PTPRF: variants seen among roughly 807,000 people sequenced by gnomAD.
The protein encoded by PTPRF is protein tyrosine phosphatase receptor type F, also known as receptor-type tyrosine-protein phosphatase F.
Under a neutral mutation model 201.8 loss-of-function variants are expected in PTPRF, and 59 were observed. The ratio of observed to expected loss-of-function variants is 0.29; its 90% confidence interval spans 0.24 to 0.36. PTPRF has a LOEUF of 0.36. Among genes scored for constraint, PTPRF ranks in the 10% least tolerant of loss-of-function variants. PTPRF has a pLI of 1.00. For synonymous variants in PTPRF, 1,088 were observed against 1,089.7 expected (o/e 1.00, Z 0.03); for missense variants, 2,132 against 2,690.5 (o/e 0.79, Z 4.59).
rs1435718099 is a variant in PTPRF at position 43,591,928 on chromosome 1, G to A, written c.1648G>A (p.Ala550Thr). The A allele has an allele frequency of 1.1e-5, 17 of 1,613,714 alleles. No homozygotes were observed. Among genetic ancestry groups the A allele is most frequent in the Non-Finnish European group, 1.4e-5 (17 of 1,179,984 alleles). ...IIMYELVYWA[A>T]EDEDQQHKVT... is the part of the protein sequence containing the mutation. ...CATGTATGAACTGGTGTACTGGGCG[G>A]CAGAGGACGAAGACCAACAGGTGTG... Residue 550 changes from alanine to threonine, a missense_variant, in exon 10 of 34, where the codon GCA becomes ACA. Ala to Thr is a moderately conservative substitution (Grantham distance 58). Transcript: ENST00000359947.
intron 6 of PTPRF, among the ~76,000 whole-genome samples, chr1:43,573,977 CTTTTTTTTTTTTTTTTT>C (rs77543816): frequency 6.1e-3 from 393 of 63,928 alleles, no homozygotes; most frequent in Non-Finnish European, 7.9e-3. Flanking sequence ...TGTGTGGGTT[CTTTTTTTTTTTTTTTTT>C]TTTTTTTTTT....
chr1:43,584,121 C>A (rs1401696095), intron 7 of PTPRF, among the ~76,000 whole-genome samples: 1 of 152,178 alleles, frequency 6.6e-6, no homozygotes, highest in African/African-American at 2.4e-5. Flanking sequence ...CAGACCCCCA[C>A]CACTGATGCT....
In PTPRF at chr1:43,597,887, C is replaced by A; in HGVS notation, c.1953C>A (p.Gly651=). 5 of 1,607,374 alleles carry A rather than the reference C, an allele frequency of 3.1e-6. No homozygotes were observed. Among genetic ancestry groups the A allele is most frequent in the African/African-American group, 1.3e-5 (1 of 75,010 alleles). ...CCGTGGCCTACGAGGCGGTGGACGG[C>A]GAGGACCGCGGGCGGCATGTGGTGG... ...QYSVAYEAVD[G]EDRGRHVVDG... Residue 651 remains glycine (G), a synonymous_variant, in exon 12 of 34, where the codon GGC becomes GGA. Coordinates refer to ENST00000359947, the MANE Select transcript of PTPRF (RefSeq NM_002840.5).
chr1:43,574,993 T>C (rs1413686256), intron 6 of PTPRF, among the ~76,000 whole-genome samples: 1 of 152,178 alleles, frequency 6.6e-6, no homozygotes, highest in African/African-American at 2.4e-5. Context: ...TGGTGTTGAT[T>C]TTTCTGCACA....
upstream of PTPRF, among the ~76,000 whole-genome samples, chr1:43,529,312 C>A (rs192042632): frequency 6.6e-6 from 1 of 152,182 alleles, no homozygotes; most frequent in Non-Finnish European, 1.5e-5. Context: ...GGGGCGCACA[C>A]GCACTGTTTG....
intron 1 of PTPRF, among the ~76,000 whole-genome samples, chr1:43,535,751 G>C (rs1450491818): frequency 6.6e-6 from 1 of 152,148 alleles, no homozygotes; most frequent in Non-Finnish European, 1.5e-5. Flanking sequence ...AGGCCTTCCT[G>C]GGTGCCAAGC....
chr1:43,617,809 G>T lies in PTPRF; in HGVS notation c.4269G>T (p.Thr1423=). 2 of 1,614,070 alleles carry T rather than the reference G, an allele frequency of 1.2e-6. No homozygotes were observed. The highest frequency in any genetic ancestry group is 1.7e-5 in the Admixed American group (1 of 60,014). The change falls in exon 25 of 34, where the codon ACG becomes ACT. Residue 1423 remains threonine (T), a synonymous_variant. Transcript: ENST00000359947. ...GYRKQNAYIA[T]QGPLPETMGD... ...GCAAGCAGAATGCCTACATCGCCAC[G>T]CAGGGCCCCCTGCCCGAGACCATGG...
In PTPRF at chr1:43,617,734, A is replaced by T; in HGVS notation, c.4196-2A>T. The T allele has an allele frequency of 1.9e-6, 3 of 1,611,692 alleles. No individual in the cohort carries two copies. Among genetic ancestry groups the T allele is most frequent in the Non-Finnish European group, 2.5e-6 (3 of 1,178,192 alleles). On this transcript the variant is annotated splice_acceptor_variant, in intron 24 of 33. Coordinates refer to ENST00000359947, the MANE Select transcript of PTPRF (RefSeq NM_002840.5). LOFTEE classifies it high-confidence loss of function. ...CCCTCCCACCTCCTTTCTTATCCAT[A>T]GGCGTCCCCGGGAGTGACTACATCA...
upstream of PTPRF, among the ~76,000 whole-genome samples, chr1:43,529,630 G>A (rs564325756): frequency 3.2e-4 from 49 of 152,142 alleles, no homozygotes; most frequent in Non-Finnish European, 5.9e-4. Context: ...AGCAAGCGGC[G>A]GGGGGAGGAG....
At chr1:43,581,035 G>T (rs1291526657) in intron 7 of PTPRF, among the ~76,000 whole-genome samples, 1 of 152,246 alleles carries the variant, frequency 6.6e-6, no homozygotes, top group East Asian at 1.9e-4. Context: ...AGCCCTGGAG[G>T]CAGAGCAGTG....
intron 2 of PTPRF, among the ~76,000 whole-genome samples, chr1:43,539,157 G>A (rs1644208624): frequency 6.6e-6 from 1 of 152,210 alleles, no homozygotes; most frequent in Non-Finnish European, 1.5e-5. Flanking sequence ...TTGAAGGCAG[G>A]AAGCCCACCA....
intron 7 of PTPRF, chr1:43,582,438 G>A (rs1647936938): frequency 6.6e-6 from 1 of 152,456 alleles, no homozygotes. Context: ...CTCTCCCTGA[G>A]TGACTCATTC....
chr1:43,526,048 C>CTA (rs1479144767), upstream of PTPRF, among the ~76,000 whole-genome samples: 1 of 151,664 alleles, frequency 6.6e-6, no homozygotes, highest in African/African-American at 2.4e-5. Context: ...GATGGGAATG[C>CTA]TATAGTGAAG....
intron 5 of PTPRF, among the ~76,000 whole-genome samples, chr1:43,567,123 A>G (rs1646241040): frequency 6.6e-6 from 1 of 152,110 alleles, no homozygotes; most frequent in African/African-American, 2.4e-5. Context: ...CGTCTTCCCC[A>G]TGAGCTGGGC....
chr1:43,603,934 A>T lies in PTPRF; in HGVS notation c.2782A>T (p.Thr928Ser). Residue 928 changes from threonine (T) to serine (S), a missense_variant, in exon 16 of 34, where the codon ACC (threonine) becomes TCC (serine). This residue lies in a region of PTPRF where 818 missense variants were observed against 915.3 expected (regional missense o/e 0.89). Transcript: ENST00000359947. The surrounding 1 kb of genome is among the most constrained non-coding windows in gnomAD (Gnocchi z 5.8). ...CCAAAACCTGCATGTGACAGGACTG[A>T]CCACGTCTACCACAGAACTGGCCTG... is the stretch of plus-strand genomic sequence containing the variant. ...FPQNLHVTGL[T>S]TSTTELAWDP... The T allele has an allele frequency of 1.2e-6, 2 of 1,614,064 alleles. No homozygotes were observed. The highest frequency in any genetic ancestry group is 8.5e-7 in the Non-Finnish European group (1 of 1,180,042).
intron 8 of PTPRF, among the ~76,000 whole-genome samples, chr1:43,590,520 C>T (rs756050030): frequency 1.3e-5 from 2 of 152,168 alleles, no homozygotes; most frequent in Non-Finnish European, 1.5e-5. Flanking sequence ...TCTTTCTATC[C>T]GGGCCAGTCC....
intron 2 of PTPRF, among the ~76,000 whole-genome samples, chr1:43,540,525 G>T (rs1644295451): frequency 1.3e-5 from 2 of 152,200 alleles, no homozygotes; most frequent in South Asian, 4.1e-4. Flanking sequence ...GAGGCTTAGG[G>T]GTTACAGCCG....
chr1:43,611,864 G>A (rs1656538229), intron 22 of PTPRF, among the ~76,000 whole-genome samples: 1 of 152,150 alleles, frequency 6.6e-6, no homozygotes, highest in Admixed American at 6.5e-5. Flanking sequence ...CCTGGGGCTG[G>A]TGGGTCTGTG....
upstream of PTPRF, among the ~76,000 whole-genome samples, chr1:43,524,121 AC>A (rs1643029482): frequency 6.6e-6 from 1 of 152,008 alleles, no homozygotes; most frequent in African/African-American, 2.4e-5. Flanking sequence ...GGAATGGAAA[AC>A]CAAATACCGT....
Sources: gnomAD v4.1 joint callset for allele counts (sites outside exome capture counted in the v4.1 genomes callset) on GRCh38, gnomAD v4.1.1 for gene constraint, gnomAD v4.1.1 regional missense constraint, Gnocchi (gnomAD v3.1) non-coding constraint, MANE v1.5 for transcripts, NCBI Gene and HGNC (gene_info 2026-07-23, HGNC 2026-07-21) for gene names.